FGF14: variants seen among roughly 807,000 people sequenced by gnomAD.
FGF14 encodes the protein fibroblast growth factor 14, also known as fibroblast growth factor homologous factor 4.
FGF14 carries 5 observed loss-of-function variants against 25.5 expected under a neutral mutation model. That is an observed-to-expected ratio of 0.20 (90% CI 0.10 to 0.41). FGF14 has a LOEUF of 0.41. Ranked by LOEUF, FGF14 falls within the 10% of genes least tolerant of loss-of-function variation. The probability of loss-of-function intolerance (pLI) is 1.00; values close to 1 mark genes in which losing one functional copy is unlikely to be tolerated. For missense variants in FGF14, 222 were observed against 320.1 expected (o/e 0.69, Z 2.34); for synonymous variants, 138 against 118.3 (o/e 1.17, Z -1.08).
intron 1 of FGF14, among the ~76,000 whole-genome samples, chr13:102,147,265 T>C (rs1351822178): frequency 6.6e-6 from 1 of 152,190 alleles, no homozygotes. Context: ...TTGATAGGAT[T>C]CAAATTCTGG....
chr13:101,993,011 T>C (rs2038987309), intron 1 of FGF14, among the ~76,000 whole-genome samples: 1 of 151,872 alleles, frequency 6.6e-6, no homozygotes, highest in Admixed American at 6.6e-5. Context: ...GCAAAATATC[T>C]GCACTTAAAT....
intron 1 of FGF14, among the ~76,000 whole-genome samples, chr13:101,951,177 G>A (rs1029219346): frequency 3.9e-5 from 6 of 152,076 alleles, no homozygotes; most frequent in Non-Finnish European, 2.9e-5. Context: ...GGCTAAGAAC[G>A]TTGTCCTTTA....
At chr13:101,976,707 C>CAGTACTTGGTTA (rs1223683073) in intron 1 of FGF14, among the ~76,000 whole-genome samples, 1 of 152,164 alleles carries the variant, frequency 6.6e-6, no homozygotes, top group East Asian at 1.9e-4. Context: ...ATTTTTCATT[C>CAGTACTTGGTTA]AGTACTTGGT....
intron 1 of FGF14, among the ~76,000 whole-genome samples, chr13:102,041,583 T>TAAAAAAAAAAAAAAAAAAA (rs11430268): frequency 8.5e-5 from 12 of 141,934 alleles, no homozygotes; most frequent in African/African-American, 2.9e-4. Flanking sequence ...TGTTTCCATG[T>TAAAAAAAAAAAAAAAAAAA]AAAAAAAAAA....
chr13:101,980,250 A>G (rs2038165493), intron 1 of FGF14, among the ~76,000 whole-genome samples: 1 of 152,210 alleles, frequency 6.6e-6, no homozygotes, highest in Admixed American at 6.5e-5. Flanking sequence ...TAAGTTACCT[A>G]AATAAAAATT....
chr13:102,087,575 C>CTTTTTTTTTT (rs1166446102), intron 1 of FGF14, among the ~76,000 whole-genome samples: 1,066 of 79,884 alleles, frequency 0.013, 1 homozygote, highest in Middle Eastern at 0.034. Context: ...CCATGCCTGG[C>CTTTTTTTTTT]TTTTTTTTTT....
At chr13:102,238,528 T>C (rs1482719059) in intron 1 of FGF14, among the ~76,000 whole-genome samples, 1 of 152,246 alleles carries the variant, frequency 6.6e-6, no homozygotes, top group Non-Finnish European at 1.5e-5. Context: ...AGAGAGAAAC[T>C]GAACTTCCCT....
intron 1 of FGF14, among the ~76,000 whole-genome samples, chr13:102,161,651 A>AGACGAAGACGAAGACGAAGACGAAGAC: frequency 5.1e-4 from 7 of 13,840 alleles, no homozygotes; most frequent in Admixed American, 9.4e-4. Flanking sequence ...AAGAAGAAGA[A>AGACGAAGACGAAGACGAAGACGAAGAC]GAAGAAGAAG....
At chr13:102,161,581 AAG>A (rs1239160640) in intron 1 of FGF14, among the ~76,000 whole-genome samples, 1,362 of 4,634 alleles carry the variant, frequency 0.29, 148 homozygotes, top group African/African-American at 0.31. Flanking sequence ...AAGAAAGAAG[AAG>A]AAGAAGAAGA....
intron 1 of FGF14, among the ~76,000 whole-genome samples, chr13:102,284,341 G>A (rs1258174577): frequency 6.6e-6 from 1 of 152,080 alleles, no homozygotes; most frequent in African/African-American, 2.4e-5. Flanking sequence ...ATTTGTTGAT[G>A]ACGGGAATGA....
In FGF14 at chr13:101,719,137, ATAT is replaced by A. The variant is rs1352313674; in HGVS notation, c.*3691_*3693del. ...ATGTATCAAATATTAATGATCCATA[ATAT>A]TAGGGAGATAATTTTAAATGAAGTG... is the stretch of plus-strand genomic sequence containing the variant. On this transcript the variant is annotated 3_prime_UTR_variant, in exon 5 of 5. Transcript: ENST00000376143. 3.3e-4 allele frequency: 51 copies of A among 152,270 alleles called. No individual in the cohort carries two copies. The highest frequency in any genetic ancestry group is 1.2e-3 in the African/African-American group (48 of 41,562). 9.4% of individuals were successfully genotyped at this position (152,270 alleles called of 1,614,324 possible).
At chr13:102,028,316 G>A (rs998879733) in intron 1 of FGF14, among the ~76,000 whole-genome samples, 11 of 152,112 alleles carry the variant, frequency 7.2e-5, no homozygotes, top group South Asian at 2.1e-4. Flanking sequence ...ATTAGTATTC[G>A]CACTGGACTG....
chr13:101,943,235 G>T (rs1195426156), intron 1 of FGF14, among the ~76,000 whole-genome samples: 2 of 152,158 alleles, frequency 1.3e-5, no homozygotes, highest in Non-Finnish European at 2.9e-5. Flanking sequence ...GTTCCATACT[G>T]ACTCTCAGTA....
At chr13:102,355,634 T>A (rs2057399737) in intron 1 of FGF14, among the ~76,000 whole-genome samples, 1 of 150,880 alleles carries the variant, frequency 6.6e-6, no homozygotes, top group African/African-American at 2.4e-5. Flanking sequence ...CATACAAGCA[T>A]GAGGTATTCT....
At chr13:102,148,500 A>G (rs964643638) in intron 1 of FGF14, among the ~76,000 whole-genome samples, 2 of 152,172 alleles carry the variant, frequency 1.3e-5, no homozygotes, top group Non-Finnish European at 2.9e-5. Flanking sequence ...CTGAGGTTCA[A>G]TTTACTCTGT....
chr13:101,752,004 A>T (rs2037316220), intron 3 of FGF14, among the ~76,000 whole-genome samples: 2 of 152,192 alleles, frequency 1.3e-5, no homozygotes, highest in African/African-American at 4.8e-5. Context: ...TGCAGAGACT[A>T]CTGTGGAGAA....
intron 1 of FGF14, among the ~76,000 whole-genome samples, chr13:102,270,834 T>G (rs1300024135): frequency 1.3e-5 from 2 of 152,194 alleles, no homozygotes; most frequent in Non-Finnish European, 2.9e-5. Context: ...GTCATGTTTG[T>G]AGCAACTGGT....
At chr13:102,356,009 A>G (rs1164708757) in intron 1 of FGF14, among the ~76,000 whole-genome samples, 1 of 152,230 alleles carries the variant, frequency 6.6e-6, no homozygotes, top group Non-Finnish European at 1.5e-5. Flanking sequence ...TCTCCCAGAC[A>G]TCAATTTAAT....
intron 1 of FGF14, among the ~76,000 whole-genome samples, chr13:102,327,049 T>A (rs2056477485): frequency 6.6e-6 from 1 of 152,176 alleles, no homozygotes; most frequent in Non-Finnish European, 1.5e-5. Context: ...TGAAACAAGT[T>A]AAATAAATAG....
Sources: gnomAD v4.1 joint callset for allele counts (sites outside exome capture counted in the v4.1 genomes callset) on GRCh38, gnomAD v4.1.1 for gene constraint, MANE v1.5 for transcripts, NCBI Gene and HGNC (gene_info 2026-07-23, HGNC 2026-07-21) for gene names.